PHACTR1: variants seen among roughly 807,000 people sequenced by gnomAD.
The protein encoded by PHACTR1 is phosphatase and actin regulator 1.
A neutral mutation model predicts 69.2 loss-of-function variants in PHACTR1; 16 were observed. The ratio of observed to expected loss-of-function variants is 0.23; its 90% confidence interval spans 0.16 to 0.35. The LOEUF (loss-of-function observed/expected upper bound fraction) is 0.35, where lower values mean the gene tolerates loss of function less well. Ranked by LOEUF, PHACTR1 falls within the 10% of genes least tolerant of loss-of-function variation. The probability of loss-of-function intolerance (pLI) is 1.00; values close to 1 mark genes in which losing one functional copy is unlikely to be tolerated. For synonymous variants in PHACTR1, 312 were observed against 284.5 expected, an observed-to-expected ratio of 1.10 and a Z score of -0.97; for missense variants, 510 against 734.7, an observed-to-expected ratio of 0.69 and a Z score of 3.54.
intron 4 of PHACTR1, chr6:12,934,018 C>A: frequency 6.8e-7 from 1 of 1,471,654 alleles, no homozygotes; most frequent in East Asian, 2.5e-5. Flanking sequence ...AATTTGCTCT[C>A]TGATGGTTCT....
chr6:13,284,580 A>G (rs1470235131), intron 13 of PHACTR1, among the ~76,000 whole-genome samples: 8 of 92,578 alleles, frequency 8.6e-5, no homozygotes, highest in African/African-American at 3.5e-4. Flanking sequence ...AGATACACGT[A>G]TATATATATA....
At chr6:13,068,685 T>A (rs1215302227) in intron 5 of PHACTR1, among the ~76,000 whole-genome samples, 5 of 152,214 alleles carry the variant, frequency 3.3e-5, no homozygotes, top group Admixed American at 2.6e-4. Context: ...CACTAAAGTA[T>A]TTCCTTTTCT....
chr6:12,995,129 A>G (rs906846088), intron 4 of PHACTR1, among the ~76,000 whole-genome samples: 1 of 152,130 alleles, frequency 6.6e-6, no homozygotes, highest in African/African-American at 2.4e-5. Context: ...ACAAGGTAGA[A>G]CTGAAAGCAA....
At chr6:12,737,070 G>C (rs971124544) in intron 3 of PHACTR1, among the ~76,000 whole-genome samples, 1 of 151,892 alleles carries the variant, frequency 6.6e-6, no homozygotes, top group Non-Finnish European at 1.5e-5. Flanking sequence ...TAACAATGGG[G>C]ATATATTCTG....
intron 5 of PHACTR1, among the ~76,000 whole-genome samples, chr6:13,087,324 A>C: frequency 6.6e-6 from 1 of 151,552 alleles, no homozygotes; most frequent in East Asian, 1.9e-4. Context: ...GAAAAACTAC[A>C]AATTTTTCTA....
chr6:12,902,386 G>A (rs1785298716), intron 4 of PHACTR1, among the ~76,000 whole-genome samples: 1 of 152,196 alleles, frequency 6.6e-6, no homozygotes, highest in Non-Finnish European at 1.5e-5. Context: ...GCACACAACT[G>A]CACTCCAGCC....
chr6:13,057,558 T>C (rs766250701), intron 5 of PHACTR1, among the ~76,000 whole-genome samples: 2 of 152,206 alleles, frequency 1.3e-5, no homozygotes, highest in African/African-American at 2.4e-5. Context: ...TATACTGTGG[T>C]TTAACTGTAA....
chr6:12,825,795 G>T (rs745503238), intron 4 of PHACTR1, among the ~76,000 whole-genome samples: 1 of 152,006 alleles, frequency 6.6e-6, no homozygotes, highest in East Asian at 1.9e-4. Flanking sequence ...ATCTGCTAGG[G>T]TACTGCCTTT....
At chr6:13,047,491 AG>A (rs1361028649) in intron 4 of PHACTR1, among the ~76,000 whole-genome samples, 12 of 152,028 alleles carry the variant, frequency 7.9e-5, no homozygotes, top group African/African-American at 2.9e-4. Flanking sequence ...TGGTGAAATA[AG>A]GGAGGTATAT....
intron 10 of PHACTR1, chr6:13,252,897 C>A (rs919467775): frequency 3.6e-6 from 1 of 277,090 alleles, no homozygotes. Context: ...CAGCCAAAAC[C>A]CCCCTCCACT....
At chr6:12,890,248 G>A (rs879328239) in intron 4 of PHACTR1, among the ~76,000 whole-genome samples, 9 of 151,934 alleles carry the variant, frequency 5.9e-5, no homozygotes, top group Admixed American at 2.0e-4. Flanking sequence ...AAACATCCTC[G>A]CCCCCAAGTT....
chr6:12,761,574 A>G (rs1768020310), intron 4 of PHACTR1, among the ~76,000 whole-genome samples: 1 of 152,180 alleles, frequency 6.6e-6, no homozygotes, highest in Non-Finnish European at 1.5e-5. Context: ...AACAGTCATC[A>G]AAAAGGCACT....
chr6:12,927,208 C>A (rs1788364110), intron 4 of PHACTR1, among the ~76,000 whole-genome samples: 1 of 152,178 alleles, frequency 6.6e-6, no homozygotes, highest in Non-Finnish European at 1.5e-5. Flanking sequence ...ATCTATTTTT[C>A]TAATTCACAT....
chr6:12,749,613 C>T (rs765998125), intron 3 of PHACTR1, 31 bp from the exon 4 acceptor site: 2 of 1,459,410 alleles, frequency 1.4e-6, no homozygotes, highest in Admixed American at 1.8e-5. Flanking sequence ...CCGCCTCTCT[C>T]CCTCTCCCTC....
chr6:13,091,032 T>C (rs1583314242), intron 5 of PHACTR1, among the ~76,000 whole-genome samples: 1 of 151,576 alleles, frequency 6.6e-6, no homozygotes. Flanking sequence ...TGGGGTGGGG[T>C]GCAGAATTTC....
intron 4 of PHACTR1, among the ~76,000 whole-genome samples, chr6:12,880,230 C>CTT (rs61160052): frequency 9.3e-6 from 1 of 107,750 alleles, no homozygotes; most frequent in African/African-American, 3.4e-5. Context: ...ACTTTTTTTT[C>CTT]TTTTTTTTTT....
chr6:12,721,274 C>T (rs1165979983), intron 3 of PHACTR1, among the ~76,000 whole-genome samples: 1 of 152,002 alleles, frequency 6.6e-6, no homozygotes, highest in Non-Finnish European at 1.5e-5. Flanking sequence ...ATCCCAGCTA[C>T]TCGGGAGGCT....
At chr6:12,990,312 G>A (rs1435753366) in intron 4 of PHACTR1, among the ~76,000 whole-genome samples, 1 of 152,148 alleles carries the variant, frequency 6.6e-6, no homozygotes, top group Non-Finnish European at 1.5e-5. Flanking sequence ...GATGTCCCAA[G>A]GAGCTCGGCA....
intron 4 of PHACTR1, among the ~76,000 whole-genome samples, chr6:12,884,477 T>C (rs1263869884): frequency 2.0e-5 from 3 of 151,968 alleles, no homozygotes; most frequent in Non-Finnish European, 1.5e-5. Flanking sequence ...CTCGGCTCAC[T>C]GCAAGCTCCG....
Sources: gnomAD v4.1 joint callset for allele counts (sites outside exome capture counted in the v4.1 genomes callset) on GRCh38, gnomAD v4.1.1 for gene constraint, MANE v1.5 for transcripts, NCBI Gene and HGNC (gene_info 2026-07-23, HGNC 2026-07-21) for gene names.